ANP32A: variants seen among roughly 807,000 people sequenced by gnomAD.
ANP32A encodes the protein acidic nuclear phosphoprotein 32 family member A, also known as acidic leucine-rich nuclear phosphoprotein 32 family member A.
In ANP32A, 1 loss-of-function variant was observed where a neutral mutation model predicts 33.9. That is an observed-to-expected ratio of 0.03 (90% CI 0.01 to 0.14). The LOEUF is 0.14. Among genes scored for constraint, ANP32A ranks in the 10% least tolerant of loss-of-function variants. The probability of loss-of-function intolerance (pLI) is 1.00; values close to 1 mark genes in which losing one functional copy is unlikely to be tolerated. For synonymous variants in ANP32A, 115 were observed against 120.5 expected, an observed-to-expected ratio of 0.95 and a Z score of 0.30; for missense variants, 155 against 306.0, an observed-to-expected ratio of 0.51 and a Z score of 3.68.
chr15:68,819,120 G>A (rs1426508282), intron 1 of ANP32A, among the ~76,000 whole-genome samples: 1 of 152,200 alleles, frequency 6.6e-6, no homozygotes, highest in Non-Finnish European at 1.5e-5. Context: ...AGGAAGCGAG[G>A]CCTGCCTTCG....
intron 1 of ANP32A, among the ~76,000 whole-genome samples, chr15:68,811,081 AG>A (rs1894305684): frequency 6.6e-6 from 1 of 150,722 alleles, no homozygotes; most frequent in South Asian, 2.1e-4. Flanking sequence ...AAAAAAAAAA[AG>A]AATGCTGAAT....
intron 5 of ANP32A, chr15:68,781,622 TTAAC>T (rs1361687355): frequency 6.6e-6 from 1 of 151,896 alleles, no homozygotes; most frequent in Non-Finnish European, 1.5e-5. Context: ...TTTTTTTTTT[TTAAC>T]TGAGTCTCGC....
intron 1 of ANP32A, among the ~76,000 whole-genome samples, chr15:68,799,036 A>T (rs1450591795): frequency 2.0e-5 from 3 of 152,256 alleles, no homozygotes; most frequent in Non-Finnish European, 4.4e-5. Flanking sequence ...CAGGGGCTAC[A>T]CATAAGAAGC....
Position 68,784,792 on chromosome 15 carries a change from G to A in ANP32A, c.328-197C>T, listed in dbSNP as rs114359580. ...TCACCTGCAGTTTGTGGGCCTCGGC[G>A]TCTCCATCTGGAAAATGGGGGGTTG... On this transcript the variant is annotated intron_variant, in intron 3 of 6. Coordinates refer to ENST00000465139, the MANE Select transcript of ANP32A (RefSeq NM_006305.4). Among the ~76,000 whole-genome samples, 1,498 of 152,242 alleles carry A rather than the reference G, an allele frequency of 9.8e-3. 35 individuals are homozygous for A. The highest frequency in any genetic ancestry group is 0.034 in the African/African-American group (1,432 of 41,532).
At chr15:68,811,490 C>T (rs1315678435) in intron 1 of ANP32A, among the ~76,000 whole-genome samples, 2 of 152,052 alleles carry the variant, frequency 1.3e-5, no homozygotes, top group Admixed American at 6.6e-5. Flanking sequence ...GTGAAGAGGA[C>T]GTCCTGGCCG....
chr15:68,802,147 C>G (rs539925132), intron 1 of ANP32A, among the ~76,000 whole-genome samples: 1 of 152,266 alleles, frequency 6.6e-6, no homozygotes, highest in African/African-American at 2.4e-5. Context: ...TCAAGGTCAC[C>G]TCTTTTTTTT....
chr15:68,803,802 T>TTC lies in ANP32A; in HGVS notation c.55-15884_55-15883insGA, dbSNP rs1386285498. On this transcript the variant is annotated intron_variant, in intron 1 of 6. Transcript: ENST00000465139. ...TTATGTGCTCTATTTCACAAACTTT[T>TTC]TTTTTTTTTTTTTTTTTTGAGACGG... Among the ~76,000 whole-genome samples the TTC allele has an allele frequency of 1.3e-3, 173 of 137,964 alleles. 2 individuals are homozygous for TTC. The highest frequency in any genetic ancestry group is 4.4e-3 in the African/African-American group (166 of 37,894). 90.5% of individuals were successfully genotyped at this position (137,964 alleles called of 152,430 possible). A position where few individuals can be genotyped will look rare whatever the true frequency, so the allele number is the denominator to read the frequency against.
chr15:68,820,780 C>T lies in ANP32A; in HGVS notation c.-29G>A. Reference sequence around the variant, plus strand: ...TCGCGCTCTCTCTCTGCAGAGGCTCCCGCGCCGGCGGAATTCAATCAATAA... The same window carrying T: ...TCGCGCTCTCTCTCTGCAGAGGCTCTCGCGCCGGCGGAATTCAATCAATAA... On this transcript the variant is annotated 5_prime_UTR_variant, in exon 1 of 7. Coordinates refer to ENST00000465139, the MANE Select transcript of ANP32A (RefSeq NM_006305.4). 1 of 1,614,000 alleles carries T rather than the reference C, an allele frequency of 6.2e-7. No homozygotes were observed. Among genetic ancestry groups the T allele is most frequent in the Non-Finnish European group, 8.5e-7 (1 of 1,179,886 alleles).
At chr15:68,813,868 G>T (rs1002459108) in intron 1 of ANP32A, among the ~76,000 whole-genome samples, 3 of 118,340 alleles carry the variant, frequency 2.5e-5, no homozygotes, top group South Asian at 2.9e-4. Context: ...TTTCCAGGAA[G>T]TTTTTTTTTT....
intron 1 of ANP32A, chr15:68,791,592 G>T: frequency 6.5e-6 from 1 of 152,940 alleles, no homozygotes; most frequent in Admixed American, 6.5e-5. Context: ...AGGATACAGA[G>T]AGGGGCCTGG....
At chr15:68,788,709 G>A (rs992182102) in intron 1 of ANP32A, among the ~76,000 whole-genome samples, 1 of 152,172 alleles carries the variant, frequency 6.6e-6, no homozygotes, top group Non-Finnish European at 1.5e-5. Flanking sequence ...TGCTCTTCAC[G>A]GTCCAGCATA....
chr15:68,816,748 T>TAC (rs2140376193), intron 1 of ANP32A, among the ~76,000 whole-genome samples: 1 of 152,314 alleles, frequency 6.6e-6, no homozygotes, highest in South Asian at 2.1e-4. Flanking sequence ...AAACGTATCC[T>TAC]ACCTCCTTGT....
At chr15:68,811,838 G>A (rs1894316429) in intron 1 of ANP32A, among the ~76,000 whole-genome samples, 1 of 152,136 alleles carries the variant, frequency 6.6e-6, no homozygotes, top group Non-Finnish European at 1.5e-5. Context: ...CCAGGTTCAA[G>A]CGATTCTCCT....
intron 5 of ANP32A, 178 bp downstream of exon 5, chr15:68,782,778 A>T: frequency 8.5e-7 from 1 of 1,180,824 alleles, no homozygotes; most frequent in Non-Finnish European, 1.2e-6. Flanking sequence ...GCTTACTGCA[A>T]GTCTTGTCTC....
chr15:68,817,295 G>A, intron 1 of ANP32A: 1 of 152,374 alleles, frequency 6.6e-6, no homozygotes, highest in East Asian at 1.9e-4. Context: ...AAAAATAAAA[G>A]GGGGAAGGAG....
intron 1 of ANP32A, among the ~76,000 whole-genome samples, chr15:68,815,782 C>G (rs1460329031): frequency 6.6e-6 from 1 of 152,200 alleles, no homozygotes; most frequent in East Asian, 1.9e-4. Flanking sequence ...TGCTCAACCT[C>G]TCCAAAAATC....
chr15:68,787,074 C>G (rs993273560), intron 3 of ANP32A: 1 of 251,016 alleles, frequency 4.0e-6, no homozygotes, highest in African/African-American at 2.2e-5. Flanking sequence ...AAAGGGGCAA[C>G]AAGCCATGCC....
intron 1 of ANP32A, among the ~76,000 whole-genome samples, chr15:68,804,885 T>G (rs1596072301): frequency 1.3e-5 from 2 of 152,358 alleles, no homozygotes; most frequent in South Asian, 4.1e-4. Flanking sequence ...ACTGGGAAAC[T>G]ATTTTCCTAA....
chr15:68,816,516 G>A (rs1894384090), intron 1 of ANP32A, among the ~76,000 whole-genome samples: 2 of 152,138 alleles, frequency 1.3e-5, no homozygotes, highest in South Asian at 4.1e-4. Context: ...AGCTAATATT[G>A]TTATTATCCT....
Sources: gnomAD v4.1 joint callset for allele counts (sites outside exome capture counted in the v4.1 genomes callset) on GRCh38, gnomAD v4.1.1 for gene constraint, MANE v1.5 for transcripts, NCBI Gene and HGNC (gene_info 2026-07-23, HGNC 2026-07-21) for gene names.